Variants in DLEC1 observed in about 807,000 individuals in gnomAD.
The protein encoded by DLEC1 is deleted in lung and esophageal cancer protein 1.
Under a neutral mutation model 198.1 loss-of-function variants are expected in DLEC1, and 146 were observed. The observed-to-expected ratio is 0.74, with a 90% CI of 0.64 to 0.85. The LOEUF is 0.85. Among genes scored for constraint, DLEC1 ranks in the 40% least tolerant of loss-of-function variants. The pLI is 0.00. For missense variants in DLEC1, 2,233 were observed against 2,220.0 expected, an observed-to-expected ratio of 1.01 and a Z score of -0.12; for synonymous variants, 897 against 866.8, an observed-to-expected ratio of 1.03 and a Z score of -0.61.
chr3:38,071,036 G>C (rs911789628), intron 6 of DLEC1, among the ~76,000 whole-genome samples: 2 of 152,124 alleles, frequency 1.3e-5, no homozygotes, highest in Non-Finnish European at 2.9e-5. Context: ...GAGAATGGGC[G>C]ATGTTTCTTA....
chr3:38,114,805 G>A (rs1429218722), intron 26 of DLEC1, among the ~76,000 whole-genome samples, 178 bp from the exon 27 acceptor site: 1 of 152,180 alleles, frequency 6.6e-6, no homozygotes, highest in Non-Finnish European at 1.5e-5. Flanking sequence ...CAGCCCCAGA[G>A]CCCAGCTCAC....
intron 26 of DLEC1, among the ~76,000 whole-genome samples, 174 bp downstream of exon 26, chr3:38,114,634 C>T (rs576842642): frequency 2.6e-5 from 4 of 152,124 alleles, no homozygotes; most frequent in Non-Finnish European, 4.4e-5. Flanking sequence ...CCTCAGGGGA[C>T]GTGGCCACCA....
intron 1 of DLEC1, among the ~76,000 whole-genome samples, chr3:38,043,520 T>C (rs1559388511): frequency 6.6e-6 from 1 of 152,214 alleles, no homozygotes; most frequent in Non-Finnish European, 1.5e-5. Flanking sequence ...CAAGAAGATT[T>C]AGTTACTTCT....
chr3:38,074,956 G>C (rs1697525631), intron 6 of DLEC1, among the ~76,000 whole-genome samples: 1 of 152,176 alleles, frequency 6.6e-6, no homozygotes, highest in Admixed American at 6.6e-5. Context: ...GAAATTGTTG[G>C]GCGGGTGGGG....
At chr3:38,045,953 A>G (rs772180134) in intron 2 of DLEC1, among the ~76,000 whole-genome samples, 9 of 152,202 alleles carry the variant, frequency 5.9e-5, no homozygotes, top group Admixed American at 1.3e-4. Context: ...GTGCAACACT[A>G]ACCTCTGACC....
At chr3:38,050,914 T>A (rs1269216474) in intron 2 of DLEC1, among the ~76,000 whole-genome samples, 1 of 151,922 alleles carries the variant, frequency 6.6e-6, no homozygotes, top group Non-Finnish European at 1.5e-5. Context: ...GGAAAGACCA[T>A]TCAAAGGCAC....
chr3:38,121,145 G>T (rs961048372), intron 34 of DLEC1, among the ~76,000 whole-genome samples: 1 of 152,216 alleles, frequency 6.6e-6, no homozygotes, highest in Non-Finnish European at 1.5e-5. Context: ...GAGCCGAGGC[G>T]CTCTAGCCTG....
At chr3:38,049,557 G>A (rs1396303483) in intron 2 of DLEC1, among the ~76,000 whole-genome samples, 1 of 152,194 alleles carries the variant, frequency 6.6e-6, no homozygotes, top group East Asian at 1.9e-4. Context: ...ACCTCGCAGA[G>A]CCATGCCCAG....
intron 2 of DLEC1, among the ~76,000 whole-genome samples, chr3:38,056,062 TACACACACACACACACACACACACACAC>T (rs57610638): frequency 1.2e-4 from 15 of 120,526 alleles, no homozygotes; most frequent in Middle Eastern, 4.6e-3. Context: ...CTACAAAAAA[TACACACACACACACACACACACACACAC>T]ACACACACAC....
chr3:38,098,014 A>G (rs1699123182), intron 18 of DLEC1, 112 bp downstream of exon 18: 1 of 1,394,956 alleles, frequency 7.2e-7, no homozygotes, highest in Admixed American at 2.2e-5. Context: ...CTGGTGGAGG[A>G]AAAGCCTGCC....
In DLEC1 at chr3:38,053,404, T is replaced by C. The variant is rs1369210967; in HGVS notation, c.563-6338T>C. Among the ~76,000 whole-genome samples, 394 of 131,336 alleles carry C rather than the reference T, an allele frequency of 3.0e-3. 4 individuals carry two copies. The highest frequency in any genetic ancestry group is 0.015 in the Middle Eastern group (3 of 200). The allele number at this position is 131,336 out of a possible 152,430, so 86.2% of individuals were successfully genotyped here. On this transcript the variant is annotated intron_variant, in intron 2 of 36. Transcript: ENST00000308059. The stretch of plus-strand genomic sequence containing the variant: ...GTGGGGAGTGCCTCTGCCCCGCCGC[T>C]CCGTCTGGGATGTGAGGAGCGCCTC...
intron 30 of DLEC1, 32 bp downstream of exon 30, chr3:38,117,132 A>G: frequency 6.2e-7 from 1 of 1,613,886 alleles, no homozygotes; most frequent in Non-Finnish European, 8.5e-7. Flanking sequence ...TGGGGGCCGC[A>G]GCCACTGCTC....
In DLEC1 at chr3:38,082,477, C is replaced by T. The variant is rs141326198; in HGVS notation, c.1174-1681C>T. Among the ~76,000 whole-genome samples the T allele has an allele frequency of 9.2e-5, 14 of 152,170 alleles. No individual in the cohort carries two copies. The East Asian group carries it at 2.1e-3, about 23-fold the overall frequency. ...CCTTGCCCTCGGGCCCCGCGGGGCC[C>T]GTCCCGGTTCGGGTGTTCTTAACCC... On this transcript the variant is annotated intron_variant, in intron 6 of 36. Coordinates refer to ENST00000308059, the MANE Select transcript of DLEC1 (RefSeq NM_007335.4).
chr3:38,074,903 T>C (rs1697522359), intron 6 of DLEC1, among the ~76,000 whole-genome samples: 1 of 152,186 alleles, frequency 6.6e-6, no homozygotes, highest in Admixed American at 6.5e-5. Flanking sequence ...AAAAGGTACA[T>C]GTACCCTGAC....
chr3:38,102,052 C>T (rs1202653127), intron 19 of DLEC1, among the ~76,000 whole-genome samples: 1 of 152,158 alleles, frequency 6.6e-6, no homozygotes. Flanking sequence ...TCCAAGGGCC[C>T]AACACTTTTC....
intron 19 of DLEC1, among the ~76,000 whole-genome samples, chr3:38,100,677 T>C (rs1196539051): frequency 6.6e-6 from 1 of 152,178 alleles, no homozygotes; most frequent in Non-Finnish European, 1.5e-5. Context: ...TGTAAATTAG[T>C]ATAACTACTT....
intron 2 of DLEC1, among the ~76,000 whole-genome samples, chr3:38,047,516 C>A (rs2125580552): frequency 6.6e-6 from 1 of 152,306 alleles, no homozygotes; most frequent in South Asian, 2.1e-4. Flanking sequence ...GGGCAATTAA[C>A]TACCTATAAT....
Position 38,059,728 on chromosome 3 carries a change from TC to T in DLEC1, c.563-11del. The T allele has an allele frequency of 6.2e-7, 1 of 1,608,820 alleles. No homozygotes were observed. Among genetic ancestry groups the T allele is most frequent in the African/African-American group, 1.3e-5 (1 of 74,868 alleles). ...GGCTGGAAACACCTTGTTCTCCCCT[TC>T]CCTTCTATGAAGTGAAGAGTGTCTC... On this transcript the variant is annotated splice_polypyrimidine_tract_variant and intron_variant, in intron 2 of 36. Coordinates refer to ENST00000308059, the MANE Select transcript of DLEC1 (RefSeq NM_007335.4).
chr3:38,039,784 C>A, intron 1 of DLEC1, 148 bp downstream of exon 1: 1 of 1,054,882 alleles, frequency 9.5e-7, no homozygotes, highest in Non-Finnish European at 1.3e-6. Flanking sequence ...GCCCGACATT[C>A]TAGTGGAAGG....
Sources: gnomAD v4.1 joint callset for allele counts (sites outside exome capture counted in the v4.1 genomes callset) on GRCh38, gnomAD v4.1.1 for gene constraint, MANE v1.5 for transcripts, NCBI Gene and HGNC (gene_info 2026-07-23, HGNC 2026-07-21) for gene names.